The following CTNND2 variants were observed in gnomAD, a reference collection of about 807,000 sequenced individuals.
CTNND2 encodes catenin delta 2.
A neutral mutation model predicts 144.4 loss-of-function variants in CTNND2; 22 were observed. That is an observed-to-expected ratio of 0.15 (90% CI 0.11 to 0.22). CTNND2 has a LOEUF of 0.22. CTNND2 is among the 10% of genes least tolerant of loss of function. The probability of loss-of-function intolerance (pLI) is 1.00; values close to 1 mark genes in which losing one functional copy is unlikely to be tolerated. For synonymous variants in CTNND2, 751 were observed against 695.6 expected (o/e 1.08, Z -1.25); for missense variants, 1,353 against 1,618.8 (o/e 0.84, Z 2.82).
At position 11,200,771 on chromosome 5, in the gene CTNND2, C is replaced by T. The variant is rs200647364; in HGVS notation, c.1762-1110G>A. ...TCGGCTCACTGCCAGCTCCGCCTCC[C>T]GGGTTCACGCCATTCTCCTGCCTCA... On this transcript the variant is annotated intron_variant, in intron 10 of 21. Transcript: ENST00000304623. Among the ~76,000 whole-genome samples the T allele has an allele frequency of 1.1e-4, 16 of 152,274 alleles. No homozygotes were observed. The East Asian group carries it at 2.9e-3, about 28-fold the overall frequency.
intron 20 of CTNND2, among the ~76,000 whole-genome samples, chr5:10,984,589 G>A (rs1194008789): frequency 1.3e-5 from 2 of 152,056 alleles, no homozygotes; most frequent in African/African-American, 4.8e-5. Context: ...CCCCTCACTC[G>A]TTTAAACGAG....
intron 10 of CTNND2, among the ~76,000 whole-genome samples, chr5:11,207,504 T>G (rs1384854951): frequency 6.6e-6 from 1 of 152,152 alleles, no homozygotes; most frequent in African/African-American, 2.4e-5. Context: ...ATGGACATTG[T>G]TTAAAATATT....
chr5:11,048,586 T>C (rs1334893024), intron 16 of CTNND2, among the ~76,000 whole-genome samples: 1 of 152,168 alleles, frequency 6.6e-6, no homozygotes, highest in Non-Finnish European at 1.5e-5. Flanking sequence ...AGTTGAGCCA[T>C]GTAACATCCC....
intron 2 of CTNND2, among the ~76,000 whole-genome samples, chr5:11,600,550 A>C (rs1779733763): frequency 6.6e-6 from 1 of 151,886 alleles, no homozygotes; most frequent in African/African-American, 2.4e-5. Context: ...TACTAAAAAT[A>C]GAAAAATCAG....
intron 1 of CTNND2, among the ~76,000 whole-genome samples, chr5:11,826,926 G>C (rs1453334946): frequency 6.6e-6 from 1 of 151,882 alleles, no homozygotes; most frequent in East Asian, 1.9e-4. Flanking sequence ...GCAGTAGACA[G>C]AAAACTGGCC....
chr5:11,435,323 T>C (rs1031480156), intron 3 of CTNND2, among the ~76,000 whole-genome samples: 1 of 151,856 alleles, frequency 6.6e-6, no homozygotes, highest in African/African-American at 2.4e-5. Context: ...TTTGTATTTT[T>C]AGTAGAGATG....
chr5:11,754,099 C>T (rs1027860663), intron 1 of CTNND2, among the ~76,000 whole-genome samples: 16 of 151,270 alleles, frequency 1.1e-4, no homozygotes, highest in Non-Finnish European at 2.4e-4. Context: ...GTATATCAAT[C>T]TTATTTATTC....
chr5:10,992,611 A>G lies in CTNND2; in HGVS notation c.3151T>C (p.Tyr1051His), dbSNP rs1474282229. The change falls in exon 19 of 22, where the codon TAC becomes CAC. Residue 1051 changes from tyrosine to histidine, a missense_variant. Coordinates refer to ENST00000304623, the MANE Select transcript of CTNND2 (RefSeq NM_001332.4). ...STIERDRQRP[Y>H]SSSRTPSISP... ...ATGGAGGGCGTGCGGGAGGAGGAGT[A>G]GGGCCTTTGCCGGTCCCTCTCGATG... is the stretch of plus-strand genomic sequence containing the variant. 2.5e-6 allele frequency: 4 copies of G among 1,614,094 alleles called. No homozygotes were observed. The Admixed American group carries it at 6.7e-5, about 27-fold the overall frequency.
intron 18 of CTNND2, among the ~76,000 whole-genome samples, chr5:11,014,178 G>A (rs557589847): frequency 6.6e-6 from 1 of 152,114 alleles, no homozygotes; most frequent in Non-Finnish European, 1.5e-5. Context: ...ATTTATACAT[G>A]ATGATTTCTA....
chr5:11,430,248 CAAA>C (rs1307787997), intron 3 of CTNND2, among the ~76,000 whole-genome samples: 1 of 38,476 alleles, frequency 2.6e-5, no homozygotes, highest in Non-Finnish European at 5.4e-5. Flanking sequence ...GACTCCGTCT[CAAA>C]AAAAAAAAAA....
chr5:11,163,044 C>T (rs1475599585), intron 11 of CTNND2, among the ~76,000 whole-genome samples: 2 of 152,196 alleles, frequency 1.3e-5, no homozygotes, highest in Admixed American at 6.5e-5. Context: ...ACTCCTCCCT[C>T]CCCTTTTCCA....
chr5:11,267,420 G>C (rs1745554524), intron 9 of CTNND2, among the ~76,000 whole-genome samples: 1 of 152,140 alleles, frequency 6.6e-6, no homozygotes, highest in South Asian at 2.1e-4. Flanking sequence ...CCTCTCCAGG[G>C]GAAAGCCATT....
intron 1 of CTNND2, among the ~76,000 whole-genome samples, chr5:11,787,342 T>C (rs1790889444): frequency 6.6e-6 from 1 of 152,150 alleles, no homozygotes; most frequent in Non-Finnish European, 1.5e-5. Context: ...AAAGCGAACA[T>C]AAATCATAGG....
intron 16 of CTNND2, among the ~76,000 whole-genome samples, chr5:11,041,411 TCACAGAG>T (rs1275205082): frequency 6.6e-6 from 1 of 152,178 alleles, no homozygotes; most frequent in Non-Finnish European, 1.5e-5. Context: ...ATGGGAAAGG[TCACAGAG>T]CTGTCTCCTG....
chr5:11,470,365 C>T lies in CTNND2; in HGVS notation c.288-58296G>A, dbSNP rs116290298. 7.4e-3 allele frequency among the ~76,000 whole-genome samples: 1,129 copies of T among 151,978 alleles called. 17 individuals are homozygous for T. The highest frequency in any genetic ancestry group is 0.026 in the African/African-American group (1,086 of 41,450). On this transcript the variant is annotated intron_variant, in intron 3 of 21. Transcript: ENST00000304623. ...AGGAGGATTGCTTGAACTTGGGAGG[C>T]GGAGATTTGGTGAGCCGAGATTGTG...
At chr5:11,353,487 T>C (rs1755543267) in intron 8 of CTNND2, among the ~76,000 whole-genome samples, 2 of 152,222 alleles carry the variant, frequency 1.3e-5, no homozygotes, top group Non-Finnish European at 2.9e-5. Flanking sequence ...TAAATCCCTA[T>C]TACCTAGATA....
chr5:11,731,441 A>C (rs974889267), intron 2 of CTNND2, among the ~76,000 whole-genome samples: 1 of 152,192 alleles, frequency 6.6e-6, no homozygotes, highest in Admixed American at 6.5e-5. Context: ...TTTACTTAAA[A>C]TTTTAAAAAC....
At chr5:11,000,090 T>A (rs533080229) in intron 18 of CTNND2, among the ~76,000 whole-genome samples, 64 of 152,308 alleles carry the variant, frequency 4.2e-4, no homozygotes, top group Non-Finnish European at 7.8e-4. Flanking sequence ...TTTCTGAACA[T>A]CCTGTAAACA....
chr5:11,187,893 C>T (rs1463232185), intron 11 of CTNND2, among the ~76,000 whole-genome samples: 1 of 152,078 alleles, frequency 6.6e-6, no homozygotes, highest in Non-Finnish European at 1.5e-5. Context: ...ACATCAAAAC[C>T]ACAATGAGAC....
Sources: gnomAD v4.1 joint callset for allele counts (sites outside exome capture counted in the v4.1 genomes callset) on GRCh38, gnomAD v4.1.1 for gene constraint, MANE v1.5 for transcripts, NCBI Gene and HGNC (gene_info 2026-07-23, HGNC 2026-07-21) for gene names.